The following TMPRSS9 variants were observed in gnomAD, a reference collection of about 807,000 sequenced individuals.
TMPRSS9 encodes the protein transmembrane serine protease 9, also known as transmembrane protease serine 9.
In TMPRSS9, 113 loss-of-function variants were observed where a neutral mutation model predicts 111.4. The observed-to-expected ratio is 1.01, with a 90% CI of 0.87 to 1.19. The LOEUF (loss-of-function observed/expected upper bound fraction) is 1.19. Ranked by LOEUF, TMPRSS9 falls within the 50% of genes most tolerant of loss-of-function variation. The pLI, the probability that TMPRSS9 is intolerant of heterozygous loss-of-function variation, is 0.00. For missense variants in TMPRSS9, 1,803 were observed against 1,513.1 expected, an observed-to-expected ratio of 1.19 and a Z score of -3.18; for synonymous variants, 805 against 659.1, an observed-to-expected ratio of 1.22 and a Z score of -3.39.
At chr19:2,419,747 C>T (rs1224747213) in intron 13 of TMPRSS9, among the ~76,000 whole-genome samples, 2 of 151,952 alleles carry the variant, frequency 1.3e-5, no homozygotes, top group African/African-American at 2.4e-5. Flanking sequence ...GAACTCCTGA[C>T]CTCAGGTGAT....
rs369171496 is a variant in TMPRSS9, at chr19:2,408,408, G to A, written c.895G>A (p.Gly299Ser). The change falls in exon 8 of 18, where the codon GGC becomes AGC. Residue 299 changes from glycine (G) to serine (S), a missense_variant. Transcript: ENST00000648592. ...CTACGTGGGTGCGACCTACCTCAGC[G>A]GCTCGGAGGCCAGCACCGTGCGGGC... The A allele has an allele frequency of 1.1e-5, 18 of 1,613,696 alleles. No individual in the cohort carries two copies. Among genetic ancestry groups the A allele is most frequent in the East Asian group, 8.9e-5 (4 of 44,892 alleles).
chr19:2,422,706 T>C (rs566661999), intron 14 of TMPRSS9, among the ~76,000 whole-genome samples: 33 of 152,058 alleles, frequency 2.2e-4, no homozygotes, highest in Middle Eastern at 3.4e-3. Context: ...GCCAACATGG[T>C]GAAACCCCAT....
intron 11 of TMPRSS9, 110 bp downstream of exon 12, chr19:2,415,951 C>T: frequency 7.8e-7 from 1 of 1,284,492 alleles, no homozygotes; most frequent in Non-Finnish European, 1.0e-6. Flanking sequence ...TGGGGAGCAG[C>T]CCTTCCTCTC....
At chr19:2,364,158 G>C (rs1271780823) in intron 1 of TMPRSS9, among the ~76,000 whole-genome samples, 1 of 151,966 alleles carries the variant, frequency 6.6e-6, no homozygotes, top group African/African-American at 2.4e-5. Context: ...CTCCAGCCTG[G>C]GTGACGGAGT....
intron 7 of TMPRSS9, among the ~76,000 whole-genome samples, chr19:2,406,664 C>G (rs1055698423): frequency 4.0e-5 from 6 of 150,986 alleles, no homozygotes; most frequent in African/African-American, 1.5e-4. Flanking sequence ...AGTAGCCATG[C>G]CAGTGGGTGT....
rs538125034 is a variant in TMPRSS9, at chr19:2,367,469, C to A, written c.-26+7109C>A. On this transcript the variant is annotated intron_variant, in intron 1 of 17. Transcript: ENST00000649857. Reference sequence around the variant, plus strand: ...GAGTGCAGTGGTGGAAACTTGGCTCCCTGCAACCTCTGCCTCCTGGGTTCA... The same window carrying A: ...GAGTGCAGTGGTGGAAACTTGGCTCACTGCAACCTCTGCCTCCTGGGTTCA... Among the ~76,000 whole-genome samples the A allele has an allele frequency of 5.7e-4, 86 of 152,066 alleles. 1 individual carries two copies. The highest frequency in any genetic ancestry group is 2.0e-3 in the African/African-American group (83 of 41,490).
intron 2 of TMPRSS9, 34 bp downstream of exon 3, chr19:2,396,700 A>T: frequency 6.3e-7 from 1 of 1,581,562 alleles, no homozygotes; most frequent in Middle Eastern, 1.8e-4. Flanking sequence ...GCCAGGGAGG[A>T]AGAGCGGGTG....
chr19:2,414,811 G>C (rs978118607), intron 10 of TMPRSS9, among the ~76,000 whole-genome samples: 6 of 150,916 alleles, frequency 4.0e-5, no homozygotes, highest in Admixed American at 2.6e-4. Context: ...AGGTTGCAGT[G>C]AGCTGATACG....
At chr19:2,387,742 CTCTT>C (rs1970507330), upstream of TMPRSS9, among the ~76,000 whole-genome samples, 1 of 151,970 alleles carries the variant, frequency 6.6e-6, no homozygotes, top group South Asian at 2.1e-4. Context: ...GACTCTCTCT[CTCTT>C]TAAAAAAGAA....
intron 13 of TMPRSS9, among the ~76,000 whole-genome samples, chr19:2,420,139 GC>G (rs1971429400): frequency 6.6e-6 from 1 of 150,642 alleles, no homozygotes; most frequent in Non-Finnish European, 1.5e-5. Flanking sequence ...TCCATCCTGG[GC>G]GACACAGCAA....
intron 6 of TMPRSS9, among the ~76,000 whole-genome samples, chr19:2,404,316 A>G (rs143045260): frequency 1.8e-3 from 281 of 152,312 alleles, no homozygotes; most frequent in African/African-American, 6.5e-3. Flanking sequence ...AAATAAATCA[A>G]TATCCAAACA....
At chr19:2,414,243 C>CTT (rs781736770) in intron 10 of TMPRSS9, 404 of 374,760 alleles carry the variant, frequency 1.1e-3, no homozygotes, top group East Asian at 1.3e-3. Flanking sequence ...CAATGGGATA[C>CTT]TTTTTTTTTT....
exon 11 of TMPRSS9, chr19:2,415,746 C>T: frequency 6.2e-7 from 1 of 1,610,506 alleles, no homozygotes; most frequent in South Asian, 1.1e-5. Context: ...GGGAGGTGCC[C>T]TGGCAGGTCA....
At chr19:2,390,891 G>T (rs575311917) in intron 1 of TMPRSS9, among the ~76,000 whole-genome samples, 2 of 151,438 alleles carry the variant, frequency 1.3e-5, no homozygotes, top group East Asian at 3.9e-4. Flanking sequence ...AAATAAGGCC[G>T]GGTGCAGTGG....
intron 1 of TMPRSS9, among the ~76,000 whole-genome samples, 116 bp downstream of exon 1, chr19:2,360,476 C>G (rs538784669): frequency 6.6e-6 from 1 of 152,134 alleles, no homozygotes; most frequent in East Asian, 1.9e-4. Context: ...GTAGAGGTGG[C>G]GTGGCGGGAG....
At chr19:2,424,336 C>G (rs74381138) in intron 15 of TMPRSS9, 79 bp downstream of exon 16, 69,478 of 1,260,494 alleles carry the variant, frequency 0.055, 2,034 homozygotes, top group East Asian at 0.08. Flanking sequence ...AAAACGCACC[C>G]TGACCCCCTC....
chr19:2,382,676 CACAT>C (rs1970399820), intron 1 of TMPRSS9, among the ~76,000 whole-genome samples: 1 of 124,710 alleles, frequency 8.0e-6, no homozygotes, highest in East Asian at 3.1e-4. Flanking sequence ...CACACGTGCA[CACAT>C]ACACACATGC....
At chr19:2,401,019 A>C (rs1248124887) in intron 4 of TMPRSS9, among the ~76,000 whole-genome samples, 2 of 151,294 alleles carry the variant, frequency 1.3e-5, no homozygotes, top group African/African-American at 4.9e-5. Context: ...TTACGCCTGT[A>C]ATCCCAGCAC....
At chr19:2,399,702 GTCTTC>G (rs1970789031) in intron 4 of TMPRSS9, among the ~76,000 whole-genome samples, 2 of 152,130 alleles carry the variant, frequency 1.3e-5, no homozygotes, top group South Asian at 2.1e-4. Context: ...GTCTTGTCTT[GTCTTC>G]TCTTTTCTTT....
Sources: gnomAD v4.1 joint callset for allele counts (sites outside exome capture counted in the v4.1 genomes callset) on GRCh38, gnomAD v4.1.1 for gene constraint, MANE v1.5 for transcripts, NCBI Gene and HGNC (gene_info 2026-07-23, HGNC 2026-07-21) for gene names.